The following ELOVL2 variants were observed in gnomAD, a reference collection of about 807,000 sequenced individuals.
ELOVL2 encodes the protein ELOVL fatty acid elongase 2.
ELOVL2 carries 38 observed loss-of-function variants against 37.7 expected under a neutral mutation model. The observed-to-expected ratio is 1.01, with a 90% CI of 0.78 to 1.32. ELOVL2 has a LOEUF of 1.32. ELOVL2 is among the 40% of genes most tolerant of loss of function. ELOVL2 has a pLI of 0.00. For synonymous variants in ELOVL2, 115 were observed against 122.3 expected (o/e 0.94, Z 0.40); for missense variants, 352 against 363.6 (o/e 0.97, Z 0.26).
intron 5 of ELOVL2, among the ~76,000 whole-genome samples, chr6:10,993,311 G>A (rs1363677180): frequency 6.6e-6 from 1 of 152,134 alleles, no homozygotes; most frequent in Non-Finnish European, 1.5e-5. Context: ...TATAAAGCAA[G>A]TCATCTTCAT....
chr6:10,990,521 C>T (rs146315963), intron 5 of ELOVL2, 79 bp from the exon 6 acceptor site: 11 of 1,366,662 alleles, frequency 8.0e-6, no homozygotes, highest in Middle Eastern at 4.0e-4. Flanking sequence ...GATTCTCTCT[C>T]TGCATGGTAA....
chr6:11,026,744 T>C (rs889978841), intron 1 of ELOVL2, among the ~76,000 whole-genome samples: 7 of 152,246 alleles, frequency 4.6e-5, no homozygotes, highest in African/African-American at 1.7e-4. Context: ...GCATATGGAA[T>C]AGAATAACAG....
At chr6:10,988,424 C>T (rs148709833) in intron 7 of ELOVL2, among the ~76,000 whole-genome samples, 359 of 152,192 alleles carry the variant, frequency 2.4e-3, no homozygotes, top group African/African-American at 7.9e-3. Context: ...ATTAGCCAGG[C>T]GTGGTGGCAC....
chr6:10,987,925 C>T (rs952672150), intron 7 of ELOVL2, among the ~76,000 whole-genome samples: 6 of 151,404 alleles, frequency 4.0e-5, no homozygotes, highest in African/African-American at 1.5e-4. Context: ...AACAAGGATC[C>T]AAACTTAAAT....
Position 11,018,455 on chromosome 6 carries a change from CAAG to C in ELOVL2, c.4-7649_4-7647del, listed in dbSNP as rs560800173. Among the ~76,000 whole-genome samples, 511 of 152,332 alleles carry C rather than the reference CAAG, an allele frequency of 3.4e-3. 1 individual carries two copies. Among genetic ancestry groups the C allele is most frequent in the Non-Finnish European group, 5.0e-3 (338 of 68,032 alleles). On this transcript the variant is annotated intron_variant, in intron 1 of 7. Transcript: ENST00000354666. ...TTGCATCATGCTTCAAGAAGATACA[CAAG>C]AAGTATGGAGACACCATCTTTATGG...
rs570130529 is a variant in ELOVL2, at chr6:11,004,508, A to G, written c.255+864T>C. On this transcript the variant is annotated intron_variant, in intron 3 of 7. Transcript: ENST00000354666. Reference sequence around the variant, plus strand: ...TAACCTTGGTTGTACAGATGGGGCAATCATCCTTGTTCCTTCTCCTGTAAA... The same window carrying G: ...TAACCTTGGTTGTACAGATGGGGCAGTCATCCTTGTTCCTTCTCCTGTAAA... 1.1e-4 allele frequency among the ~76,000 whole-genome samples: 16 copies of G among 151,730 alleles called. No homozygotes were observed. The East Asian group carries it at 2.5e-3, about 24-fold the overall frequency.
intron 1 of ELOVL2, among the ~76,000 whole-genome samples, chr6:11,021,499 T>TA (rs1183242215): frequency 6.6e-6 from 1 of 151,978 alleles, no homozygotes; most frequent in Non-Finnish European, 1.5e-5. Flanking sequence ...GTATGTGTAT[T>TA]AATATATATT....
intron 1 of ELOVL2, among the ~76,000 whole-genome samples, chr6:11,018,913 G>T (rs181379374): frequency 6.6e-6 from 1 of 152,254 alleles, no homozygotes; most frequent in Admixed American, 6.5e-5. Flanking sequence ...AACCCACTTA[G>T]ATAGTATCCA....
chr6:11,019,103 C>T (rs1168965560), intron 1 of ELOVL2, among the ~76,000 whole-genome samples: 1 of 152,198 alleles, frequency 6.6e-6, no homozygotes, highest in African/African-American at 2.4e-5. Context: ...TCAGACACTA[C>T]ATCAGCTAGT....
chr6:11,011,073 T>C (rs558810122), intron 1 of ELOVL2, among the ~76,000 whole-genome samples: 2 of 152,230 alleles, frequency 1.3e-5, no homozygotes, highest in African/African-American at 2.4e-5. Flanking sequence ...CATTTAAACA[T>C]TGAAGGGTTG....
chr6:11,000,568 A>G (rs963165623), intron 3 of ELOVL2, among the ~76,000 whole-genome samples: 2 of 152,238 alleles, frequency 1.3e-5, no homozygotes, highest in Non-Finnish European at 2.9e-5. Flanking sequence ...TAATCATCTC[A>G]ATAATTTTTA....
intron 3 of ELOVL2, among the ~76,000 whole-genome samples, chr6:11,000,731 A>G (rs1270000999): frequency 6.6e-6 from 1 of 152,224 alleles, no homozygotes; most frequent in Non-Finnish European, 1.5e-5. Flanking sequence ...TCAAAAACCA[A>G]CAAGCTCCAA....
chr6:11,011,147 G>A (rs951306453), intron 1 of ELOVL2, among the ~76,000 whole-genome samples: 5 of 152,072 alleles, frequency 3.3e-5, no homozygotes, highest in Non-Finnish European at 5.9e-5. Context: ...GGCGGATCAC[G>A]AGGTCAGGAG....
intron 7 of ELOVL2, among the ~76,000 whole-genome samples, chr6:10,985,730 A>G (rs1782040219): frequency 6.6e-6 from 1 of 152,006 alleles, no homozygotes; most frequent in South Asian, 2.1e-4. Context: ...TAACAGTACC[A>G]TGCTGTTTTG....
chr6:10,993,634 T>C (rs935007177), intron 5 of ELOVL2, among the ~76,000 whole-genome samples: 7 of 152,188 alleles, frequency 4.6e-5, no homozygotes, highest in African/African-American at 2.4e-5. Context: ...CTAGAAATCA[T>C]GTAAGAGTAT....
chr6:10,994,945 G>T (rs1782237210), intron 5 of ELOVL2, 62 bp downstream of exon 5: 8 of 1,338,408 alleles, frequency 6.0e-6, no homozygotes, highest in Non-Finnish European at 8.3e-6. Flanking sequence ...CTTAATACAA[G>T]ACAGCACCAG....
At chr6:11,036,704 A>C (rs930395123) in intron 1 of ELOVL2, among the ~76,000 whole-genome samples, 1 of 150,562 alleles carries the variant, frequency 6.6e-6, no homozygotes, top group Admixed American at 6.6e-5. Flanking sequence ...CAATTTCAGG[A>C]AAGCTTCTAG....
intron 1 of ELOVL2, among the ~76,000 whole-genome samples, chr6:11,021,324 C>T (rs561056158): frequency 1.3e-5 from 2 of 152,318 alleles, no homozygotes; most frequent in Middle Eastern, 3.4e-3. Flanking sequence ...ATCTTCTTTA[C>T]CTGGCACACA....
intron 1 of ELOVL2, among the ~76,000 whole-genome samples, chr6:11,023,756 T>C (rs1782801756): frequency 6.6e-6 from 1 of 152,162 alleles, no homozygotes; most frequent in Non-Finnish European, 1.5e-5. Flanking sequence ...CATCCTCTTT[T>C]CTAGGAGGTA....
Sources: allele counts gnomAD v4.1 joint callset (sites outside exome capture counted in the v4.1 genomes callset), GRCh38; gene constraint gnomAD v4.1.1; transcripts MANE v1.5; gene names NCBI Gene and HGNC (gene_info 2026-07-23, HGNC 2026-07-21).